The following LINGO2 variants were observed in gnomAD, a reference collection of about 807,000 sequenced individuals.
LINGO2 encodes the protein leucine-rich repeat and immunoglobulin-like domain-containing nogo receptor-interacting protein 2.
A neutral mutation model predicts 30.6 loss-of-function variants in LINGO2; 14 were observed. The observed-to-expected ratio is 0.46, with a 90% CI of 0.30 to 0.72. LINGO2 has a LOEUF of 0.72. Among genes scored for constraint, LINGO2 ranks in the 30% least tolerant of loss-of-function variants. The pLI is 0.07. For synonymous variants in LINGO2, 317 were observed against 288.5 expected (o/e 1.10, Z -1.00); for missense variants, 729 against 751.7 (o/e 0.97, Z 0.35).
chr9:28,664,406 C>T (rs1428484026), intron 1 of LINGO2, among the ~76,000 whole-genome samples: 1 of 152,078 alleles, frequency 6.6e-6, no homozygotes, highest in Non-Finnish European at 1.5e-5. Flanking sequence ...GAGACCTCTA[C>T]TACTCACTCG....
chr9:29,004,123 T>C, the LINGO2 span, among the ~76,000 whole-genome samples: 1 of 151,988 alleles, frequency 6.6e-6, no homozygotes, highest in East Asian at 1.9e-4. Flanking sequence ...AAATAAGTTA[T>C]ACAAAAGAAA....
chr9:28,585,294 G>A (rs991168990), intron 1 of LINGO2, among the ~76,000 whole-genome samples: 9 of 151,872 alleles, frequency 5.9e-5, no homozygotes, highest in African/African-American at 2.2e-4. Flanking sequence ...TGACCAATTT[G>A]GAAACATTTT....
the LINGO2 span, among the ~76,000 whole-genome samples, chr9:28,752,186 G>A: frequency 6.6e-6 from 1 of 151,920 alleles, no homozygotes; most frequent in Non-Finnish European, 1.5e-5. Flanking sequence ...CATTGTGTAA[G>A]TATTGGGCTC....
chr9:28,178,223 TCCC>T (rs990302662), intron 4 of LINGO2, among the ~76,000 whole-genome samples: 4 of 152,066 alleles, frequency 2.6e-5, no homozygotes, highest in African/African-American at 9.7e-5. Context: ...TACCCGCAGC[TCCC>T]ACAGTGTTGT....
the LINGO2 span, among the ~76,000 whole-genome samples, chr9:29,054,570 G>C: frequency 5.9e-5 from 9 of 152,216 alleles, no homozygotes; most frequent in South Asian, 4.1e-4. Flanking sequence ...AGAAACACGG[G>C]CCTCAACTAC....
chr9:28,940,947 T>C, the LINGO2 span, among the ~76,000 whole-genome samples: 2 of 151,340 alleles, frequency 1.3e-5, no homozygotes, highest in African/African-American at 4.9e-5. Context: ...AAAGAGAAAA[T>C]TGACTAATGT....
chr9:28,078,410 A>C (rs1825684884), intron 4 of LINGO2, among the ~76,000 whole-genome samples: 1 of 149,098 alleles, frequency 6.7e-6, no homozygotes, highest in Admixed American at 6.6e-5. Context: ...TAGAGAACTT[A>C]AAGAAATGTC....
At chr9:28,734,737 C>T in the LINGO2 span, among the ~76,000 whole-genome samples, 6 of 152,126 alleles carry the variant, frequency 3.9e-5, no homozygotes, top group Admixed American at 6.6e-5. Context: ...ACCGAAAGTA[C>T]TATTGAGATA....
chr9:28,755,241 A>C, the LINGO2 span, among the ~76,000 whole-genome samples: 5 of 152,208 alleles, frequency 3.3e-5, no homozygotes, highest in South Asian at 2.1e-4. Flanking sequence ...AGTACAAATA[A>C]AACAAATTAT....
At chr9:28,584,385 A>T (rs145754727) in intron 1 of LINGO2, among the ~76,000 whole-genome samples, 1 of 152,234 alleles carries the variant, frequency 6.6e-6, no homozygotes, top group African/African-American at 2.4e-5. Context: ...ATTCTAAACA[A>T]AAATGCCCCC....
the LINGO2 span, among the ~76,000 whole-genome samples, chr9:28,989,718 G>C: frequency 6.6e-6 from 1 of 152,100 alleles, no homozygotes; most frequent in Admixed American, 6.5e-5. Flanking sequence ...AAAATACACT[G>C]CCTCTTCTTA....
the LINGO2 span, among the ~76,000 whole-genome samples, chr9:29,174,930 G>A: frequency 1.3e-5 from 2 of 152,182 alleles, no homozygotes; most frequent in African/African-American, 2.4e-5. Flanking sequence ...TTGAATCTTA[G>A]TTGTGTCAGA....
intron 3 of LINGO2, among the ~76,000 whole-genome samples, chr9:28,304,322 T>C (rs1322620041): frequency 6.6e-6 from 1 of 151,040 alleles, no homozygotes; most frequent in Non-Finnish European, 1.5e-5. Flanking sequence ...TACATATATG[T>C]ATAATTTGTA....
chr9:28,513,513 A>G (rs997471936), intron 1 of LINGO2, among the ~76,000 whole-genome samples: 1 of 152,234 alleles, frequency 6.6e-6, no homozygotes, highest in East Asian at 1.9e-4. Flanking sequence ...ACAATTATAG[A>G]AAAAGCAATA....
chr9:28,027,201 T>C lies in LINGO2; in HGVS notation c.-86-14796A>G, dbSNP rs975907192. On this transcript the variant is annotated intron_variant, in intron 4 of 5. Coordinates refer to ENST00000379992, the Ensembl canonical transcript of LINGO2. ...TGGATTTACTCTATGCCAGAATTCA[T>C]TCTTCAAACAACTTTACACATATCG... Among the ~76,000 whole-genome samples, 3 of 152,216 alleles carry C rather than the reference T, an allele frequency of 2.0e-5. No individual in the cohort carries two copies. In the South Asian group the frequency reaches 6.2e-4, roughly 32 times the overall value.
chr9:28,165,608 A>G (rs1455574813), intron 4 of LINGO2, among the ~76,000 whole-genome samples: 1 of 152,228 alleles, frequency 6.6e-6, no homozygotes, highest in Admixed American at 6.5e-5. Context: ...GAAATAAAAA[A>G]TTATTGAACC....
At chr9:28,032,988 A>G (rs1587731493) in intron 4 of LINGO2, among the ~76,000 whole-genome samples, 1 of 152,340 alleles carries the variant, frequency 6.6e-6, no homozygotes, top group African/African-American at 2.4e-5. Flanking sequence ...ATTTATCCAT[A>G]TGAAATCCTT....
At chr9:28,300,807 A>G (rs1313181611) in intron 3 of LINGO2, among the ~76,000 whole-genome samples, 1 of 151,612 alleles carries the variant, frequency 6.6e-6, no homozygotes, top group Non-Finnish European at 1.5e-5. Context: ...TATTGCTCAT[A>G]GTCTAGTAGT....
At chr9:28,188,429 C>G (rs1309753854) in intron 4 of LINGO2, among the ~76,000 whole-genome samples, 1 of 152,116 alleles carries the variant, frequency 6.6e-6, no homozygotes, top group Non-Finnish European at 1.5e-5. Flanking sequence ...CAACCACCTG[C>G]TAAAGTTGAA....
Sources: gnomAD v4.1 joint callset for allele counts (sites outside exome capture counted in the v4.1 genomes callset) on GRCh38, gnomAD v4.1.1 for gene constraint, MANE v1.5 for transcripts, NCBI Gene and HGNC (gene_info 2026-07-23, HGNC 2026-07-21) for gene names.